DYNC1H1: variants seen among roughly 807,000 people sequenced by gnomAD.
The protein encoded by DYNC1H1 is cytoplasmic dynein 1 heavy chain 1.
A neutral mutation model predicts 527.1 loss-of-function variants in DYNC1H1; 51 were observed. That is an observed-to-expected ratio of 0.10 (90% CI 0.08 to 0.12). The LOEUF is 0.12. Among genes scored for constraint, DYNC1H1 ranks in the 10% least tolerant of loss-of-function variants. DYNC1H1 has a pLI of 1.00. For missense variants in DYNC1H1, 2,771 were observed against 5,971.8 expected (o/e 0.46, Z 17.66); for synonymous variants, 2,189 against 2,278.8 (o/e 0.96, Z 1.12).
chr14:101,998,294 G>T (rs2048087952), intron 16 of DYNC1H1, among the ~76,000 whole-genome samples: 1 of 148,284 alleles, frequency 6.7e-6, no homozygotes, highest in African/African-American at 2.5e-5. Context: ...TAACACAAAC[G>T]CCTGGACCCC....
Position 102,006,989 on chromosome 14 carries a change from G to A in DYNC1H1, c.5717-19G>A, listed in dbSNP as rs370403241. The A allele has an allele frequency of 3.1e-6, 5 of 1,612,102 alleles. No homozygotes were observed. The African/African-American group carries it at 5.3e-5, about 17-fold the overall frequency. ...GTTAGGTAATGGACTCAAGCACTCT[G>A]TTGCTTTTCTTTAAACAGGACCTGC... On this transcript the variant is annotated intron_variant, in intron 27 of 77. Coordinates refer to ENST00000360184, the MANE Select transcript of DYNC1H1 (RefSeq NM_001376.5).
At position 101,985,893 on chromosome 14, in the gene DYNC1H1, G is replaced by A; in HGVS notation, c.1668G>A (p.Arg556=). ...WEAAMKRYDE[R]IDRVETRITA... ...CTGCTATGAAGAGGTACGATGAGAG[G>A]ATCGACAGAGTGGAGACCCGGATCA... The change falls in exon 8 of 78, where the codon AGG becomes AGA. Residue 556 remains arginine (R), a synonymous_variant. Transcript: ENST00000360184. This position sits in a 1 kb window ranked among gnomAD's most constrained non-coding sequence, Gnocchi z 5.9. 6.2e-7 allele frequency: 1 copy of A among 1,614,232 alleles called. No homozygotes were observed. The highest frequency in any genetic ancestry group is 8.5e-7 in the Non-Finnish European group (1 of 1,180,048).
At chr14:101,966,982 G>C (rs1721385392) in intron 1 of DYNC1H1, among the ~76,000 whole-genome samples, 1 of 152,132 alleles carries the variant, frequency 6.6e-6, no homozygotes, top group African/African-American at 2.4e-5. Context: ...TAAGGAATGA[G>C]ACTATCTAAA....
At chr14:101,984,617 A>T (rs1443162596) in intron 7 of DYNC1H1, among the ~76,000 whole-genome samples, 3 of 149,826 alleles carry the variant, frequency 2.0e-5, no homozygotes, top group Non-Finnish European at 4.4e-5. Context: ...CACCCAGCTA[A>T]TTTTTGTATT....
intron 69 of DYNC1H1, chr14:102,043,283 CAAAA>C (rs10673572): frequency 1.2e-3 from 143 of 118,094 alleles, no homozygotes; most frequent in South Asian, 2.9e-3. Flanking sequence ...GACCCCGTCT[CAAAA>C]AAAAAAAAAA....
At chr14:102,048,178 C>T (rs937663772) in intron 73 of DYNC1H1, 150 bp downstream of exon 73, 21 of 1,059,566 alleles carry the variant, frequency 2.0e-5, no homozygotes, top group Non-Finnish European at 2.6e-5. Flanking sequence ...CCAGCTGAGC[C>T]CAGGCATTGG....
rs148756827 is a variant in DYNC1H1 at position 101,966,669 on chromosome 14, TGCATA to T, written c.256+1724_256+1728del. Among the ~76,000 whole-genome samples, 825 of 152,344 alleles carry T rather than the reference TGCATA, an allele frequency of 5.4e-3. 16 individuals are homozygous for T. The highest frequency in any genetic ancestry group is 0.036 in the East Asian group (189 of 5,190). On this transcript the variant is annotated intron_variant, in intron 1 of 77. Transcript: ENST00000360184. ...CATTGCTAATCCTTGATATTTTTAT[TGCATA>T]GTTTATGTATTAGAATCAGTGATTT... is the stretch of plus-strand genomic sequence containing the variant.
rs1035417628 is a variant in DYNC1H1, at chr14:102,048,916, T to C, written c.13372+247T>C. ...CAAAATCTTTACACAACTTCTAGTT[T>C]TTTAGGGGTCTTCCAAGACGACAGT... is the stretch of plus-strand genomic sequence containing the variant. On this transcript the variant is annotated intron_variant, in intron 74 of 77. Coordinates refer to ENST00000360184, the MANE Select transcript of DYNC1H1 (RefSeq NM_001376.5). 17 of 550,852 alleles carry C rather than the reference T, an allele frequency of 3.1e-5. No individual in the cohort carries two copies. In the South Asian group the frequency reaches 3.4e-4, roughly 11 times the overall value. 34.1% of individuals were successfully genotyped at this position (550,852 alleles called of 1,614,324 possible). A position where few individuals can be genotyped will look rare whatever the true frequency, so the allele number is the denominator to read the frequency against.
rs1424242896 is a variant in DYNC1H1, at chr14:102,049,154, C to T, written c.13373-286C>T. ...CACTTGTGTGACATGAGGTTTTAGCCGCGGTTTTGCTTGGATGTGATTATG... is the reference window on the plus strand; with the variant it reads ...CACTTGTGTGACATGAGGTTTTAGCTGCGGTTTTGCTTGGATGTGATTATG... On this transcript the variant is annotated intron_variant, in intron 74 of 77. Transcript: ENST00000360184. The surrounding 1 kb of genome is among the most constrained non-coding windows in gnomAD (Gnocchi z 5.5). The T allele has an allele frequency of 1.6e-5, 8 of 499,548 alleles. No homozygotes were observed. The highest frequency in any genetic ancestry group is 4.1e-5 in the South Asian group (2 of 49,216). The allele number at this position is 499,548 out of a possible 1,614,324, so 30.9% of individuals were successfully genotyped here.
At position 102,044,724 on chromosome 14, in the gene DYNC1H1, C is replaced by A; in HGVS notation, c.13006+26C>A. On this transcript the variant is annotated intron_variant, in intron 72 of 77. Transcript: ENST00000360184. The surrounding 1 kb of genome is among the most constrained non-coding windows in gnomAD (Gnocchi z 7.1). Reference sequence around the variant, plus strand: ...GTAGGCAACAAGGATCCTCCCCACACGCAGGGTGGGTGGCGAGGGTCCCCT... The same window carrying A: ...GTAGGCAACAAGGATCCTCCCCACAAGCAGGGTGGGTGGCGAGGGTCCCCT... The A allele has an allele frequency of 6.2e-7, 1 of 1,611,724 alleles. No homozygotes were observed. The highest frequency in any genetic ancestry group is 8.5e-7 in the Non-Finnish European group (1 of 1,179,250).
chr14:102,048,790 C>T (rs1595636998), intron 74 of DYNC1H1, 121 bp downstream of exon 74: 3 of 949,888 alleles, frequency 3.2e-6, no homozygotes, highest in East Asian at 7.0e-5. Context: ...CTTCCGAGAG[C>T]AGCTCTGTGC....
rs373442382 is a variant in DYNC1H1, at chr14:102,001,049, G to T, written c.4170G>T (p.Leu1390=). The T allele has an allele frequency of 8.1e-6, 13 of 1,614,188 alleles. No individual in the cohort carries two copies. In the African/African-American group the frequency reaches 1.5e-4, roughly 18 times the overall value. ...YASYEFVQRL[L]KGYMKINMLV... Reference sequence around the variant, plus strand: ...CCTATGAGTTTGTTCAGAGGCTTCTGAAAGGTTACATGAAGGTAGGTGGCC... The same window carrying T: ...CCTATGAGTTTGTTCAGAGGCTTCTTAAAGGTTACATGAAGGTAGGTGGCC... The change falls in exon 19 of 78, where the codon CTG becomes CTT. Residue 1390 remains leucine (L), a synonymous_variant. Transcript: ENST00000360184. This position sits in a 1 kb window ranked among gnomAD's most constrained non-coding sequence, Gnocchi z 5.0.
chr14:102,006,178 C>T lies in DYNC1H1; in HGVS notation c.5716+8C>T. 2 of 1,613,094 alleles carry T rather than the reference C, an allele frequency of 1.2e-6. No homozygotes were observed. Among genetic ancestry groups the T allele is most frequent in the Admixed American group, 3.3e-5 (2 of 60,024 alleles). ...TGGGGGGTTCCCCATTTGGTAAGTT[C>T]TTCCACAGATCTGGACAGATGGAAT... On this transcript the variant is annotated splice_region_variant and intron_variant, in intron 27 of 77. Transcript: ENST00000360184.
chr14:102,050,817 G>A lies in DYNC1H1; in HGVS notation c.*254G>A, dbSNP rs17513010. 6.3e-3 allele frequency: 3,065 copies of A among 489,344 alleles called. 69 individuals are homozygous for A. The highest frequency in any genetic ancestry group is 0.037 in the Admixed American group (1,176 of 31,926). 30.3% of individuals were successfully genotyped at this position (489,344 alleles called of 1,614,324 possible). ...AGCCGGCTCCGCCTCTTCTGTCTCC[G>A]CTTTCATCCCAGGGCACAGAGCCTT... On this transcript the variant is annotated 3_prime_UTR_variant, in exon 78 of 78. Coordinates refer to ENST00000360184, the MANE Select transcript of DYNC1H1 (RefSeq NM_001376.5).
In DYNC1H1 at chr14:102,010,125, A is replaced by T. The variant is rs747824947; in HGVS notation, c.6221+39A>T. On this transcript the variant is annotated intron_variant, in intron 30 of 77. Transcript: ENST00000360184. The surrounding 1 kb of genome is among the most constrained non-coding windows in gnomAD (Gnocchi z 6.0). ...AATTCTTCATAATCATGTTTCTTGC[A>T]TATGTTAAATGTGTCCATTTAACCT... The T allele has an allele frequency of 2.5e-6, 4 of 1,613,350 alleles. No homozygotes were observed. In the Admixed American group the frequency reaches 6.7e-5, roughly 27 times the overall value.
chr14:102,017,741 C>T lies in DYNC1H1; in HGVS notation c.8177+237C>T, dbSNP rs1397122151. 5 of 632,494 alleles carry T rather than the reference C, an allele frequency of 7.9e-6. No homozygotes were observed. The highest frequency in any genetic ancestry group is 1.9e-5 in the South Asian group (1 of 53,504). 39.2% of individuals were successfully genotyped at this position (632,494 alleles called of 1,614,324 possible). A position where few individuals can be genotyped will look rare whatever the true frequency, so the allele number is the denominator to read the frequency against. ...CAGCACTTTGGGAGGCCGAGGCGGG[C>T]GGATCACGAGGTCAGGAGATTGAGA... On this transcript the variant is annotated intron_variant, in intron 40 of 77. Transcript: ENST00000360184. The surrounding 1 kb of genome is among the most constrained non-coding windows in gnomAD (Gnocchi z 4.6).
Position 102,044,021 on chromosome 14 carries a change from C to T in DYNC1H1, c.12660C>T (p.Asp4220=). Residue 4220 remains aspartate, a synonymous_variant, in exon 70 of 78, where the codon GAC becomes GAT. Coordinates refer to ENST00000360184, the MANE Select transcript of DYNC1H1 (RefSeq NM_001376.5). This position sits in a 1 kb window ranked among gnomAD's most constrained non-coding sequence, Gnocchi z 7.1. ...TGCGGTCAGCTTGCGATACGGTGGA[C>T]ACGTGGCTGGATGACACGGCCAAGG... is the stretch of plus-strand genomic sequence containing the variant. ...SDLRSACDTV[D]TWLDDTAKGR... is the part of the protein sequence containing the mutation. 6.2e-7 allele frequency: 1 copy of T among 1,614,062 alleles called. No homozygotes were observed. The highest frequency in any genetic ancestry group is 1.1e-5 in the South Asian group (1 of 91,086).
rs1437345962 is a variant in DYNC1H1 at position 102,015,658 on chromosome 14, T to C, written c.7243-198T>C. Among the ~76,000 whole-genome samples, 4 of 152,228 alleles carry C rather than the reference T, an allele frequency of 2.6e-5. No homozygotes were observed. The highest frequency in any genetic ancestry group is 4.4e-5 in the Non-Finnish European group (3 of 68,038). The stretch of plus-strand genomic sequence containing the variant: ...TGATGAAAGACTGCCCTTTTCCATG[T>C]TCAGTGGGAAAACCAAAGTTCCTGG... On this transcript the variant is annotated intron_variant, in intron 35 of 77. Transcript: ENST00000360184. The surrounding 1 kb of genome is among the most constrained non-coding windows in gnomAD (Gnocchi z 6.9).
rs17512075 is a variant in DYNC1H1 at position 101,987,066 on chromosome 14, A to G, written c.2538+303A>G. Among the ~76,000 whole-genome samples the G allele has an allele frequency of 0.015, 2,241 of 152,360 alleles. 65 individuals are homozygous for G. The highest frequency in any genetic ancestry group is 0.051 in the African/African-American group (2,138 of 41,586). The stretch of plus-strand genomic sequence containing the variant: ...TACAGCTGAAAGCAGAGCAGGCTCT[A>G]GGTCTCAGCCACGAAGGCCTTACCC... On this transcript the variant is annotated intron_variant, in intron 8 of 77. Coordinates refer to ENST00000360184, the MANE Select transcript of DYNC1H1 (RefSeq NM_001376.5).
Sources: allele counts gnomAD v4.1 joint callset (sites outside exome capture counted in the v4.1 genomes callset), GRCh38; gene constraint gnomAD v4.1.1; non-coding constraint Gnocchi (gnomAD v3.1); transcripts MANE v1.5; gene names NCBI Gene and HGNC (gene_info 2026-07-23, HGNC 2026-07-21).